Variants in PTPRT observed in about 807,000 individuals in gnomAD.
PTPRT encodes protein tyrosine phosphatase receptor type T.
In PTPRT, 56 loss-of-function variants were observed where a neutral mutation model predicts 176.8. That is an observed-to-expected ratio of 0.32 (90% CI 0.26 to 0.40). PTPRT has a LOEUF of 0.40. Ranked by LOEUF, PTPRT falls within the 10% of genes least tolerant of loss-of-function variation. The pLI is 1.00. For synonymous variants in PTPRT, 783 were observed against 739.0 expected (o/e 1.06, Z -0.96); for missense variants, 1,540 against 1,908.2 (o/e 0.81, Z 3.60).
At chr20:43,090,210 A>ATTAATATC (rs564030512) in intron 1 of PTPRT, among the ~76,000 whole-genome samples, 1 of 152,220 alleles carries the variant, frequency 6.6e-6, no homozygotes, top group Non-Finnish European at 1.5e-5. Context: ...AGAACCCTTA[A>ATTAATATC]TTAATATCTT....
rs76374725 is a variant in PTPRT, at chr20:43,048,602, G to A, written c.88+141044C>T. ...GGTGGGAAACAGCAGATATTTGAGA[G>A]AGGCTAAGGGGAGAGAAATGATCGC... On this transcript the variant is annotated intron_variant, in intron 1 of 30. Transcript: ENST00000373187. 9.9e-5 allele frequency among the ~76,000 whole-genome samples: 15 copies of A among 152,282 alleles called. 1 individual carries two copies. The East Asian group carries it at 2.7e-3, about 27-fold the overall frequency.
intron 2 of PTPRT, among the ~76,000 whole-genome samples, chr20:42,797,132 G>A (rs1174452105): frequency 2.0e-5 from 3 of 152,146 alleles, no homozygotes; most frequent in Non-Finnish European, 2.9e-5. Flanking sequence ...AATCCACTGA[G>A]AGGCAGAGTA....
intron 1 of PTPRT, among the ~76,000 whole-genome samples, chr20:43,167,054 C>T (rs901563154): frequency 1.1e-4 from 17 of 152,150 alleles, no homozygotes; most frequent in Non-Finnish European, 2.4e-4. Context: ...CAGCCTAGCT[C>T]CAGCTAACCA....
At chr20:42,524,790 T>C (rs2072239664) in intron 7 of PTPRT, among the ~76,000 whole-genome samples, 1 of 152,096 alleles carries the variant, frequency 6.6e-6, no homozygotes, top group African/African-American at 2.4e-5. Context: ...TCCCTTCATG[T>C]TTTCCTTTTT....
intron 6 of PTPRT, among the ~76,000 whole-genome samples, chr20:42,730,066 G>A (rs1600671399): frequency 6.6e-6 from 1 of 152,194 alleles, no homozygotes; most frequent in African/African-American, 2.4e-5. Context: ...GGCTCAAAAT[G>A]AAAGTATGAC....
chr20:42,250,243 G>A (rs1382178688), intron 13 of PTPRT, among the ~76,000 whole-genome samples: 2 of 152,216 alleles, frequency 1.3e-5, no homozygotes, highest in African/African-American at 2.4e-5. Context: ...GTTTTCCCAT[G>A]TTAGCACAGA....
chr20:42,520,835 GT>G (rs2072158899), intron 7 of PTPRT, among the ~76,000 whole-genome samples: 1 of 136,898 alleles, frequency 7.3e-6, no homozygotes, highest in East Asian at 2.2e-4. Context: ...ATGTATGGGT[GT>G]GTGTGTAGAT....
chr20:42,324,448 T>G (rs2057851929), intron 11 of PTPRT, among the ~76,000 whole-genome samples: 2 of 152,174 alleles, frequency 1.3e-5, no homozygotes, highest in African/African-American at 4.8e-5. Flanking sequence ...ACTGTGGTGA[T>G]AGTTGCACGA....
intron 1 of PTPRT, among the ~76,000 whole-genome samples, chr20:43,118,530 C>T (rs920282731): frequency 2.6e-5 from 4 of 152,192 alleles, no homozygotes; most frequent in Non-Finnish European, 5.9e-5. Context: ...ACCTCCGCCT[C>T]CCAGGTTCAA....
intron 1 of PTPRT, among the ~76,000 whole-genome samples, chr20:42,938,977 G>A (rs6016923): frequency 4.6e-5 from 7 of 152,188 alleles, no homozygotes; most frequent in South Asian, 2.1e-4. Flanking sequence ...TAAACAGAAG[G>A]TTCCTTGAGA....
intron 1 of PTPRT, among the ~76,000 whole-genome samples, chr20:43,181,547 A>G (rs1021546641): frequency 3.3e-5 from 5 of 152,186 alleles, no homozygotes; most frequent in Non-Finnish European, 1.5e-5. Flanking sequence ...AACACATAAT[A>G]TGGCAATGTG....
intron 1 of PTPRT, among the ~76,000 whole-genome samples, chr20:43,142,956 C>T (rs968835243): frequency 6.6e-6 from 1 of 152,176 alleles, no homozygotes; most frequent in Admixed American, 6.5e-5. Context: ...CCACAATTAC[C>T]CTTGAAGTAA....
intron 15 of PTPRT, among the ~76,000 whole-genome samples, 184 bp from the exon 16 acceptor site, chr20:42,199,572 C>T (rs1433170622): frequency 6.6e-6 from 1 of 152,162 alleles, no homozygotes; most frequent in Non-Finnish European, 1.5e-5. Context: ...ATGAGACTCA[C>T]GCTGCTGCCT....
At chr20:42,793,240 T>C (rs1357519029) in intron 2 of PTPRT, among the ~76,000 whole-genome samples, 3 of 152,142 alleles carry the variant, frequency 2.0e-5, no homozygotes, top group African/African-American at 7.2e-5. Context: ...ATGGATATGT[T>C]GCATAGTGGC....
intron 1 of PTPRT, among the ~76,000 whole-genome samples, chr20:42,980,830 C>T (rs1983231555): frequency 6.6e-6 from 1 of 152,178 alleles, no homozygotes; most frequent in Admixed American, 6.5e-5. Context: ...TAAAAAAATT[C>T]TGCTGGTCAT....
chr20:43,058,823 T>G (rs1987343512), intron 1 of PTPRT, among the ~76,000 whole-genome samples: 1 of 152,152 alleles, frequency 6.6e-6, no homozygotes, highest in Admixed American at 6.6e-5. Context: ...CTTATTTTTT[T>G]TTCAGTCTTA....
intron 1 of PTPRT, among the ~76,000 whole-genome samples, chr20:43,028,221 A>G (rs1255288332): frequency 3.3e-5 from 5 of 152,144 alleles, no homozygotes. Context: ...CTGCTCTCCA[A>G]CATATGGAGA....
At chr20:42,870,413 A>C (rs1041661817) in intron 2 of PTPRT, among the ~76,000 whole-genome samples, 5 of 152,204 alleles carry the variant, frequency 3.3e-5, no homozygotes, top group African/African-American at 1.2e-4. Context: ...TCTGTTGATG[A>C]ACATTTGGGT....
At chr20:42,702,511 A>T (rs1254665092) in intron 6 of PTPRT, among the ~76,000 whole-genome samples, 1 of 152,268 alleles carries the variant, frequency 6.6e-6, no homozygotes, top group Admixed American at 6.5e-5. Flanking sequence ...CTCCCTTGAC[A>T]CACTGAACCC....
Sources: gnomAD v4.1 joint callset for allele counts (sites outside exome capture counted in the v4.1 genomes callset) on GRCh38, gnomAD v4.1.1 for gene constraint, MANE v1.5 for transcripts, NCBI Gene and HGNC (gene_info 2026-07-23, HGNC 2026-07-21) for gene names.